The following CDH13 variants were observed in gnomAD, a reference collection of about 807,000 sequenced individuals.
CDH13 encodes cadherin-13.
CDH13 carries 24 observed loss-of-function variants against 63.8 expected under a neutral mutation model. The ratio of observed to expected loss-of-function variants is 0.38; its 90% confidence interval spans 0.27 to 0.53. CDH13 has a LOEUF of 0.53. CDH13 is among the 20% of genes least tolerant of loss of function. CDH13 has a pLI of 0.85. For synonymous variants in CDH13, 503 were observed against 355.3 expected (o/e 1.42, Z -4.67); for missense variants, 1,049 against 903.1 (o/e 1.16, Z -2.07).
At chr16:83,366,552 C>T (rs1238452197) in intron 6 of CDH13, among the ~76,000 whole-genome samples, 1 of 152,110 alleles carries the variant, frequency 6.6e-6, no homozygotes, top group Admixed American at 6.5e-5. Context: ...ACTGACAGAA[C>T]GACATCATCC....
intron 6 of CDH13, among the ~76,000 whole-genome samples, chr16:83,355,683 G>A (rs1025025851): frequency 1.1e-4 from 16 of 152,290 alleles, no homozygotes; most frequent in African/African-American, 1.9e-4. Flanking sequence ...GGGGTTGGAG[G>A]GGGTGAATGC....
intron 7 of CDH13, among the ~76,000 whole-genome samples, chr16:83,520,697 G>A (rs1598210432): frequency 6.6e-6 from 1 of 152,104 alleles, no homozygotes; most frequent in Non-Finnish European, 1.5e-5. Context: ...TGTCCTGGAA[G>A]GGCTTAATGG....
At position 83,326,467 on chromosome 16, in the gene CDH13, T is replaced by C. The variant is rs1029976824; in HGVS notation, c.637-18395T>C. Among the ~76,000 whole-genome samples the C allele has an allele frequency of 7.2e-5, 11 of 151,984 alleles. 1 individual carries two copies. Among genetic ancestry groups the C allele is most frequent in the Middle Eastern group, 3.4e-3 (1 of 294 alleles). ...TAACTTTTGAATGAGAATATTCCTC[T>C]GAACTCTATGGGAGTACAATATTTG... On this transcript the variant is annotated intron_variant, in intron 5 of 13. Coordinates refer to ENST00000567109, the MANE Select transcript of CDH13 (RefSeq NM_001257.5).
chr16:83,530,880 G>A (rs1319334738), intron 7 of CDH13, among the ~76,000 whole-genome samples: 1 of 152,172 alleles, frequency 6.6e-6, no homozygotes, highest in African/African-American at 2.4e-5. Context: ...GTGCATGGTG[G>A]GTCAGAGGCA....
intron 1 of CDH13, among the ~76,000 whole-genome samples, chr16:82,645,549 C>T (rs1391912335): frequency 1.3e-5 from 2 of 152,016 alleles, no homozygotes; most frequent in Non-Finnish European, 2.9e-5. Context: ...CTACAATGAA[C>T]AGCACAGCTC....
chr16:83,239,910 C>T (rs545791940), intron 5 of CDH13, among the ~76,000 whole-genome samples: 1 of 152,188 alleles, frequency 6.6e-6, no homozygotes, highest in South Asian at 2.1e-4. Flanking sequence ...GTAGTCTATA[C>T]ATGATGATCA....
At chr16:82,686,165 C>T (rs1261440613) in intron 1 of CDH13, among the ~76,000 whole-genome samples, 4 of 152,160 alleles carry the variant, frequency 2.6e-5, no homozygotes, top group African/African-American at 9.7e-5. Context: ...TTGCAGAGAA[C>T]ATGTGTTTTG....
intron 5 of CDH13, among the ~76,000 whole-genome samples, chr16:83,307,357 G>A (rs558314320): frequency 6.6e-6 from 1 of 152,244 alleles, no homozygotes; most frequent in South Asian, 2.1e-4. Context: ...GAAGATAAAG[G>A]TCAACTTAAA....
At chr16:82,987,174 G>A (rs963312189) in intron 2 of CDH13, among the ~76,000 whole-genome samples, 1 of 152,066 alleles carries the variant, frequency 6.6e-6, no homozygotes, top group Non-Finnish European at 1.5e-5. Context: ...CTCCTCTGTG[G>A]TCTTCAATAT....
intron 4 of CDH13, among the ~76,000 whole-genome samples, chr16:83,156,942 A>G (rs886363632): frequency 1.3e-5 from 2 of 152,194 alleles, no homozygotes; most frequent in African/African-American, 4.8e-5. Flanking sequence ...AGTGCTCTTC[A>G]AAGGAGCAAT....
chr16:83,323,293 A>G (rs1244790984), intron 5 of CDH13, among the ~76,000 whole-genome samples: 1 of 60,772 alleles, frequency 1.6e-5, no homozygotes, highest in African/African-American at 6.8e-5. Context: ...TTTTTTTTTT[A>G]AGAGGGAGTT....
chr16:82,945,267 C>G (rs1020758612), intron 2 of CDH13, among the ~76,000 whole-genome samples: 4 of 152,106 alleles, frequency 2.6e-5, no homozygotes, highest in African/African-American at 9.7e-5. Flanking sequence ...TGTCCACAGA[C>G]AATATGGAAA....
intron 10 of CDH13, among the ~76,000 whole-genome samples, chr16:83,729,640 T>C (rs1270997371): frequency 2.0e-5 from 3 of 152,220 alleles, no homozygotes; most frequent in Non-Finnish European, 4.4e-5. Context: ...TTTCTTCATC[T>C]ATATAATGGG....
At chr16:83,378,372 C>G (rs1475088124) in intron 6 of CDH13, among the ~76,000 whole-genome samples, 1 of 152,152 alleles carries the variant, frequency 6.6e-6, no homozygotes, top group African/African-American at 2.4e-5. Flanking sequence ...GAGAGGTGCC[C>G]TGAGAAAAAC....
At chr16:83,249,710 C>T (rs1905301024) in intron 5 of CDH13, among the ~76,000 whole-genome samples, 1 of 152,162 alleles carries the variant, frequency 6.6e-6, no homozygotes, top group Non-Finnish European at 1.5e-5. Flanking sequence ...TGTCTGTCTC[C>T]AATTCATGTC....
chr16:83,196,262 GA>G (rs1022761802), intron 4 of CDH13, among the ~76,000 whole-genome samples: 3 of 145,098 alleles, frequency 2.1e-5, no homozygotes, highest in South Asian at 2.2e-4. Flanking sequence ...TCTCAAAAAA[GA>G]AAAAAAAACA....
chr16:82,627,337 C>CGTGCGTGTGTGTGT (rs1555525839), intron 1 of CDH13, among the ~76,000 whole-genome samples, 200 bp downstream of exon 1: 3,415 of 131,164 alleles, frequency 0.026, 85 homozygotes, highest in Middle Eastern at 0.052. Flanking sequence ...CTCTGGCGTG[C>CGTGCGTGTGTGTGT]GTGTGTGTGT....
chr16:83,142,660 C>G (rs1192068664), intron 4 of CDH13, among the ~76,000 whole-genome samples: 2 of 152,142 alleles, frequency 1.3e-5, no homozygotes, highest in Non-Finnish European at 2.9e-5. Context: ...GCAGCAAACC[C>G]CAAGATAGCA....
At chr16:82,720,881 A>G (rs1024283901) in intron 1 of CDH13, among the ~76,000 whole-genome samples, 3 of 152,208 alleles carry the variant, frequency 2.0e-5, no homozygotes, top group African/African-American at 7.2e-5. Context: ...TGTGCCTGAA[A>G]CAAAGCTTGG....
Sources: allele counts gnomAD v4.1 joint callset (sites outside exome capture counted in the v4.1 genomes callset), GRCh38; gene constraint gnomAD v4.1.1; transcripts MANE v1.5; gene names NCBI Gene and HGNC (gene_info 2026-07-23, HGNC 2026-07-21).